The following DNAH5 variants were observed in gnomAD, a reference collection of about 807,000 sequenced individuals.
DNAH5 encodes the protein axonemal beta dynein heavy chain 5.
A neutral mutation model predicts 518.2 loss-of-function variants in DNAH5; 372 were observed. That is an observed-to-expected ratio of 0.72 (90% CI 0.66 to 0.78). The LOEUF (loss-of-function observed/expected upper bound fraction) is 0.78, where lower values mean the gene tolerates loss of function less well. Among genes scored for constraint, DNAH5 ranks in the 30% least tolerant of loss-of-function variants. The pLI is 0.00. For missense variants in DNAH5, 5,523 were observed against 5,687.0 expected, an observed-to-expected ratio of 0.97 and a Z score of 0.93; for synonymous variants, 2,039 against 2,025.9, an observed-to-expected ratio of 1.01 and a Z score of -0.17.
intron 40 of DNAH5, 111 bp from the exon 41 acceptor site, chr5:13,820,610 G>T: frequency 1.6e-6 from 2 of 1,282,426 alleles, no homozygotes; most frequent in Non-Finnish European, 2.2e-6. Flanking sequence ...AGATCACAAG[G>T]TCAGGAGTTC....
intron 52 of DNAH5, among the ~76,000 whole-genome samples, chr5:13,783,240 G>A (rs1330624861): frequency 3.3e-5 from 5 of 152,192 alleles, no homozygotes; most frequent in Admixed American, 1.3e-4. Flanking sequence ...CCCCTGGGGT[G>A]AGAACTTCAG....
At chr5:13,865,392 T>C (rs1200660980) in intron 27 of DNAH5, among the ~76,000 whole-genome samples, 2 of 152,190 alleles carry the variant, frequency 1.3e-5, no homozygotes, top group African/African-American at 4.8e-5. Flanking sequence ...ACTTCAAATG[T>C]TTCATAAGTG....
chr5:13,694,378 C>T (rs780825548), intron 78 of DNAH5, among the ~76,000 whole-genome samples: 3 of 152,154 alleles, frequency 2.0e-5, no homozygotes, highest in African/African-American at 4.8e-5. Context: ...ATAGTGAAAA[C>T]GTTGATAGAT....
At position 13,794,059 on chromosome 5, in the gene DNAH5, C is replaced by G. The variant is rs767603357; in HGVS notation, c.7888-1G>C. 1 of 1,613,836 alleles carries G rather than the reference C, an allele frequency of 6.2e-7. No homozygotes were observed. The highest frequency in any genetic ancestry group is 8.5e-7 in the Non-Finnish European group (1 of 1,179,932). ...TATCCACATAGCTCTCTATCGTCCT[C>G]TGTGAAAAAAAAATCAACTGAAACA... is the stretch of plus-strand genomic sequence containing the variant. On this transcript the variant is annotated splice_acceptor_variant, in intron 47 of 78. Coordinates refer to ENST00000265104, the MANE Select transcript of DNAH5 (RefSeq NM_001369.3). LOFTEE classifies it high-confidence loss of function.
At chr5:13,844,525 T>A (rs984637523) in intron 32 of DNAH5, among the ~76,000 whole-genome samples, 10 of 152,270 alleles carry the variant, frequency 6.6e-5, no homozygotes, top group African/African-American at 1.9e-4. Context: ...GACGCTATTT[T>A]ATGAACAGCT....
intron 1 of DNAH5, among the ~76,000 whole-genome samples, chr5:13,988,917 G>A (rs755628759): frequency 6.0e-5 from 9 of 151,224 alleles, no homozygotes; most frequent in South Asian, 2.1e-4. Flanking sequence ...TAGTAGAGAC[G>A]GGGTTTCACC....
At chr5:13,852,992 G>C (rs1767106493) in intron 30 of DNAH5, among the ~76,000 whole-genome samples, 1 of 152,366 alleles carries the variant, frequency 6.6e-6, no homozygotes, top group Non-Finnish European at 1.5e-5. Context: ...GAGAGCAGCA[G>C]ATCTCCCAGC....
chr5:13,705,289 G>A (rs1004013552), intron 76 of DNAH5, among the ~76,000 whole-genome samples: 19 of 152,192 alleles, frequency 1.2e-4, no homozygotes, highest in East Asian at 3.9e-4. Context: ...CACTGCGCCC[G>A]GCTGCAATGG....
At chr5:13,749,731 CA>C (rs1749936803) in intron 65 of DNAH5, among the ~76,000 whole-genome samples, 1 of 152,186 alleles carries the variant, frequency 6.6e-6, no homozygotes, top group Admixed American at 6.5e-5. Context: ...AGAGGTGGCC[CA>C]AAAGACCCTC....
At chr5:13,793,796 G>A (rs1309838582) in intron 48 of DNAH5, 68 bp from the exon 49 acceptor site, 2 of 1,575,724 alleles carry the variant, frequency 1.3e-6, no homozygotes, top group Non-Finnish European at 1.7e-6. Context: ...CTCCTTGAGT[G>A]TTTCCAAAGA....
intron 65 of DNAH5, among the ~76,000 whole-genome samples, 176 bp from the exon 66 acceptor site, chr5:13,737,671 T>A (rs1327571738): frequency 6.6e-6 from 1 of 152,130 alleles, no homozygotes; most frequent in Non-Finnish European, 1.5e-5. Flanking sequence ...ACACCTGTAA[T>A]CCCAGCACTT....
intron 65 of DNAH5, among the ~76,000 whole-genome samples, chr5:13,740,128 C>G (rs1748226279): frequency 6.6e-6 from 1 of 152,086 alleles, no homozygotes; most frequent in South Asian, 2.1e-4. Context: ...TCCTCAAATT[C>G]AACAACAAAT....
intron 50 of DNAH5, among the ~76,000 whole-genome samples, chr5:13,790,429 T>C (rs1281014768): frequency 6.6e-6 from 1 of 152,180 alleles, no homozygotes; most frequent in Non-Finnish European, 1.5e-5. Context: ...CCATTATCCT[T>C]AGCAAACTAA....
chr5:13,869,295 G>A (rs1316197444), intron 24 of DNAH5, among the ~76,000 whole-genome samples: 5 of 148,084 alleles, frequency 3.4e-5, no homozygotes, highest in Non-Finnish European at 7.4e-5. Flanking sequence ...GTTATAGTGT[G>A]ATGAAAAGAT....
chr5:13,879,378 T>C (rs531334024), intron 21 of DNAH5, among the ~76,000 whole-genome samples: 10 of 152,290 alleles, frequency 6.6e-5, no homozygotes, highest in African/African-American at 2.4e-4. Context: ...ATGCACTTAA[T>C]ACCCTAGTAA....
Position 13,758,992 on chromosome 5 carries a change from G to C in DNAH5, c.10282-9C>G. 1 of 1,614,022 alleles carries C rather than the reference G, an allele frequency of 6.2e-7. No homozygotes were observed. Among genetic ancestry groups the C allele is most frequent in the Non-Finnish European group, 8.5e-7 (1 of 1,180,004 alleles). ...TGCACCACCAAGTTGGCCTGCACAG[G>C]ACACACACAGAGTGAAGAGATGGGC... On this transcript the variant is annotated splice_polypyrimidine_tract_variant and intron_variant, in intron 60 of 78. Transcript: ENST00000265104.
chr5:13,779,712 G>A (rs1321344438), intron 53 of DNAH5, among the ~76,000 whole-genome samples: 1 of 152,016 alleles, frequency 6.6e-6, no homozygotes. Context: ...CTCCCCTGGG[G>A]TTCCTTGTCT....
intron 66 of DNAH5, among the ~76,000 whole-genome samples, chr5:13,736,781 T>A (rs1201426929): frequency 6.6e-6 from 1 of 152,132 alleles, no homozygotes; most frequent in Non-Finnish European, 1.5e-5. Context: ...TCCAACTGAA[T>A]TATTTAGCAG....
intron 78 of DNAH5, among the ~76,000 whole-genome samples, chr5:13,697,541 T>C (rs932394142): frequency 2.0e-5 from 3 of 152,214 alleles, no homozygotes; most frequent in Admixed American, 6.5e-5. Context: ...ATCATTTCTC[T>C]AGCAAACTTT....
Sources: gnomAD v4.1 joint callset for allele counts (sites outside exome capture counted in the v4.1 genomes callset) on GRCh38, gnomAD v4.1.1 for gene constraint, MANE v1.5 for transcripts, NCBI Gene and HGNC (gene_info 2026-07-23, HGNC 2026-07-21) for gene names.